CROCC2: variants seen among roughly 807,000 people sequenced by gnomAD.
CROCC2 encodes ciliary rootlet coiled-coil, rootletin family member 2, also known as ciliary rootlet coiled-coil protein 2.
Under a neutral mutation model 177.6 loss-of-function variants are expected in CROCC2, and 163 were observed. The ratio of observed to expected loss-of-function variants is 0.92; its 90% CI spans 0.81 to 1.05. The LOEUF is 1.05. Among genes scored for constraint, CROCC2 ranks in the 50% least tolerant of loss-of-function variants. The probability of loss-of-function intolerance (pLI) is 0.00; values close to 1 mark genes in which losing one functional copy is unlikely to be tolerated. For missense variants in CROCC2, 1,929 were observed against 1,797.8 expected, an observed-to-expected ratio of 1.07 and a Z score of -1.32; for synonymous variants, 904 against 787.3, an observed-to-expected ratio of 1.15 and a Z score of -2.48.
chr2:240,964,388 G>A, intron 21 of CROCC2, 78 bp from the exon 22 acceptor site: 3 of 1,491,802 alleles, frequency 2.0e-6, no homozygotes, highest in Non-Finnish European at 2.7e-6. Flanking sequence ...CCTCACTAGG[G>A]GAGGCAGAGA....
At chr2:240,992,093 G>A (rs2059883709) in intron 31 of CROCC2, among the ~76,000 whole-genome samples, 1 of 152,238 alleles carries the variant, frequency 6.6e-6, no homozygotes, top group Non-Finnish European at 1.5e-5. Flanking sequence ...ACTCCGGCTG[G>A]GTTGCTATGG....
intron 1 of CROCC2, among the ~76,000 whole-genome samples, chr2:240,911,543 G>A (rs537101661): frequency 1.7e-4 from 26 of 152,154 alleles, no homozygotes; most frequent in Admixed American, 8.5e-4. Context: ...AGCGATGTGC[G>A]CGCCTCAACC....
chr2:240,917,918 C>T lies in CROCC2; in HGVS notation c.79-808C>T, dbSNP rs1352097077. ...AGTCCCCTGCCCTGGGGTCCCGGCC[C>T]TCCCCAAGCTGTGCCCCTGCCCGGC... On this transcript the variant is annotated intron_variant, in intron 1 of 31. Transcript: ENST00000690015. This position sits in a 1 kb window ranked among gnomAD's most constrained non-coding sequence, Gnocchi z 4.9. Among the ~76,000 whole-genome samples the T allele has an allele frequency of 6.6e-6, 1 of 152,176 alleles. No homozygotes were observed. The highest frequency in any genetic ancestry group is 1.5e-5 in the Non-Finnish European group (1 of 68,006).
intron 1 of CROCC2, among the ~76,000 whole-genome samples, chr2:240,916,121 G>C (rs949343246): frequency 1.1e-4 from 16 of 152,092 alleles, no homozygotes; most frequent in Non-Finnish European, 2.4e-4. Flanking sequence ...GGGCGGTGCC[G>C]ACCCTCAGGA....
At chr2:240,932,450 G>A (rs1464163799) in intron 8 of CROCC2, 36 bp downstream of exon 8, 1 of 717,276 alleles carries the variant, frequency 1.4e-6, no homozygotes, top group South Asian at 1.5e-5. Context: ...GTGTGGCAGG[G>A]GTCTGTCACC....
intron 28 of CROCC2, among the ~76,000 whole-genome samples, chr2:240,984,325 C>T (rs1344313023): frequency 3.3e-5 from 5 of 151,974 alleles, no homozygotes; most frequent in African/African-American, 1.2e-4. Flanking sequence ...GAACCATTCG[C>T]GGGGAGATGA....
intron 27 of CROCC2, among the ~76,000 whole-genome samples, chr2:240,975,808 C>A (rs2059758194): frequency 6.7e-6 from 1 of 148,544 alleles, no homozygotes; most frequent in African/African-American, 2.5e-5. Flanking sequence ...TGGTTCACTG[C>A]AACCTCTGCC....
rs1177567848 is a variant in CROCC2, at chr2:240,985,539, C to CCA, written c.4551+2522_4551+2523dup. 3.9e-4 allele frequency among the ~76,000 whole-genome samples: 43 copies of CCA among 110,308 alleles called. 3 individuals are homozygous for CCA. Among genetic ancestry groups the CCA allele is most frequent in the African/African-American group, 1.6e-3 (41 of 25,818 alleles). 72.4% of individuals were successfully genotyped at this position (110,308 alleles called of 152,430 possible). A position where few individuals can be genotyped will look rare whatever the true frequency, so the allele number is the denominator to read the frequency against. On this transcript the variant is annotated intron_variant, in intron 28 of 31. Coordinates refer to ENST00000690015, the MANE Select transcript of CROCC2 (RefSeq NM_001351305.2). ...CTACACACACACCCAGGCACTCACTCCACACACACACACCCAGGCACTCAC... is the reference window on the plus strand; with the variant it reads ...CTACACACACACCCAGGCACTCACTCCACACACACACACACCCAGGCACTCAC...
At position 240,958,378 on chromosome 2, in the gene CROCC2, G is replaced by T. The variant is rs1053839709; in HGVS notation, c.2944-923G>T. On this transcript the variant is annotated intron_variant, in intron 19 of 31. Transcript: ENST00000690015. This position sits in a 1 kb window ranked among gnomAD's most constrained non-coding sequence, Gnocchi z 6.7. ...TCTCAGTCCAGAGAGACCAGAGGGGGTTGTAAAGAATGACGACAGGAGGCA... is the reference window on the plus strand; with the variant it reads ...TCTCAGTCCAGAGAGACCAGAGGGGTTTGTAAAGAATGACGACAGGAGGCA... Among the ~76,000 whole-genome samples, 1 of 152,202 alleles carries T rather than the reference G, an allele frequency of 6.6e-6. No homozygotes were observed. Among genetic ancestry groups the T allele is most frequent in the Non-Finnish European group, 1.5e-5 (1 of 68,030 alleles).
chr2:240,952,067 C>T (rs534434739), intron 18 of CROCC2, among the ~76,000 whole-genome samples: 7 of 152,206 alleles, frequency 4.6e-5, no homozygotes, highest in South Asian at 4.2e-4. Flanking sequence ...AATTACAGGC[C>T]GGGTGCTGTG....
Position 240,989,842 on chromosome 2 carries a change from G to A in CROCC2, c.4863+9G>A, listed in dbSNP as rs1426697023. 25 of 1,531,806 alleles carry A rather than the reference G, an allele frequency of 1.6e-5. No individual in the cohort carries two copies. Among genetic ancestry groups the A allele is most frequent in the East Asian group, 5.0e-5 (2 of 40,376 alleles). The allele number at this position is 1,531,806 out of a possible 1,614,324, so 94.9% of individuals were successfully genotyped here. A position where few individuals can be genotyped will look rare whatever the true frequency, so the allele number is the denominator to read the frequency against. On this transcript the variant is annotated intron_variant, in intron 30 of 31. Coordinates refer to ENST00000690015, the MANE Select transcript of CROCC2 (RefSeq NM_001351305.2). ...AGGTGCTGGAAGAGCAGGTAAGGTC[G>A]GGACCCCAGCCCCCTGGGTGAGGGA...
In CROCC2 at chr2:240,993,155, C is replaced by G; in HGVS notation, c.*74C>G. 1 of 704,552 alleles carries G rather than the reference C, an allele frequency of 1.4e-6. No homozygotes were observed. The highest frequency in any genetic ancestry group is 2.7e-5 in the East Asian group (1 of 36,834). The allele number at this position is 704,552 out of a possible 1,614,324, so 43.6% of individuals were successfully genotyped here. A position where few individuals can be genotyped will look rare whatever the true frequency, so the allele number is the denominator to read the frequency against. On this transcript the variant is annotated 3_prime_UTR_variant, in exon 32 of 32. Transcript: ENST00000690015. Reference sequence around the variant, plus strand: ...CGCACCGCAGGTGGGAGGGGCCCAGCTGATTTCTCAGCGTCACAGTGAAAG... The same window carrying G: ...CGCACCGCAGGTGGGAGGGGCCCAGGTGATTTCTCAGCGTCACAGTGAAAG...
chr2:240,983,013 T>C lies in CROCC2; in HGVS notation c.4535T>C (p.Leu1512Pro), dbSNP rs4577273. The change falls in exon 28 of 32, where the codon CTG becomes CCG. Residue 1512 changes from leucine to proline, a missense_variant. Transcript: ENST00000690015. Reference protein sequence around the residue: ...EHRCQKAEVSLEPLRQMEQET... With the variant: ...EHRCQKAEVSPEPLRQMEQET... ...AGGTGCCAGAAGGCTGAGGTATCGC[T>C]GGAGCCCCTGCGACAGGTGAGGGTG... 314,127 of 1,549,924 alleles carry C rather than the reference T, an allele frequency of 0.2. 36,954 individuals are homozygous for C. The highest frequency in any genetic ancestry group is 0.4 in the East Asian group (16,549 of 40,878).
At chr2:240,946,348 C>A in intron 15 of CROCC2, 95 bp downstream of exon 15, 2 of 1,237,188 alleles carry the variant, frequency 1.6e-6, no homozygotes, top group South Asian at 1.7e-5. Flanking sequence ...CGCACCATGA[C>A]ATAGGACTGG....
intron 28 of CROCC2, chr2:240,983,568 A>G (rs889333459): frequency 7.8e-7 from 1 of 1,278,766 alleles, no homozygotes; most frequent in Non-Finnish European, 1.0e-6. Context: ...CTGCGCGCTC[A>G]GCTCGCACAG....
intron 12 of CROCC2, among the ~76,000 whole-genome samples, 194 bp from the exon 13 acceptor site, chr2:240,934,722 C>A (rs958196111): frequency 6.6e-6 from 1 of 152,224 alleles, no homozygotes; most frequent in African/African-American, 2.4e-5. Flanking sequence ...CAGCCACCTC[C>A]TCTGGCTGGA....
chr2:240,969,111 A>G (rs2059704675), intron 27 of CROCC2, among the ~76,000 whole-genome samples: 1 of 152,202 alleles, frequency 6.6e-6, no homozygotes, highest in Admixed American at 6.5e-5. Flanking sequence ...GGGCCAGCAC[A>G]GTGCAGAGGA....
intron 22 of CROCC2, among the ~76,000 whole-genome samples, chr2:240,965,069 C>T (rs1046887474): frequency 3.9e-5 from 6 of 152,180 alleles, no homozygotes; most frequent in South Asian, 2.1e-4. Context: ...ATGGCGGCCT[C>T]GGGGCAGTTG....
chr2:240,989,536 C>T (rs550725377), intron 29 of CROCC2, 118 bp from the exon 30 acceptor site: 18 of 979,044 alleles, frequency 1.8e-5, no homozygotes, highest in African/African-American at 6.5e-5. Flanking sequence ...AGGTCAACAC[C>T]GGCAGAGGGC....
Sources: allele counts gnomAD v4.1 joint callset (sites outside exome capture counted in the v4.1 genomes callset), GRCh38; gene constraint gnomAD v4.1.1; non-coding constraint Gnocchi (gnomAD v3.1); transcripts MANE v1.5; gene names NCBI Gene and HGNC (gene_info 2026-07-23, HGNC 2026-07-21).